ARHGAP21: variants seen among roughly 807,000 people sequenced by gnomAD.
ARHGAP21 encodes the protein Rho GTPase activating protein 21, also known as rho GTPase-activating protein 21.
A neutral mutation model predicts 164.6 loss-of-function variants in ARHGAP21; 38 were observed. The ratio of observed to expected loss-of-function variants is 0.23; its 90% CI spans 0.18 to 0.30. ARHGAP21 has a LOEUF of 0.30. ARHGAP21 is among the 10% of genes least tolerant of loss of function. ARHGAP21 has a pLI of 1.00. For missense variants in ARHGAP21, 1,822 were observed against 2,370.7 expected (o/e 0.77, Z 4.81); for synonymous variants, 766 against 857.9 (o/e 0.89, Z 1.87).
At chr10:24,692,192 G>C in intron 2 of ARHGAP21, among the ~76,000 whole-genome samples, 1 of 152,150 alleles carries the variant, frequency 6.6e-6, no homozygotes, top group Non-Finnish European at 1.5e-5. Context: ...TTTAGTCTGT[G>C]ATATGGGTTT....
At position 24,600,823 on chromosome 10, in the gene ARHGAP21, T is replaced by G; in HGVS notation, c.2955A>C (p.Glu985Asp). 1 of 1,614,178 alleles carries G rather than the reference T, an allele frequency of 6.2e-7. No homozygotes were observed. Among genetic ancestry groups the G allele is most frequent in the Non-Finnish European group, 8.5e-7 (1 of 1,179,988 alleles). Residue 985 changes from glutamate (E) to aspartate (D), a missense_variant, in exon 14 of 26, where the codon GAA becomes GAC. This residue lies in a region of ARHGAP21 where 1,090 missense variants were observed against 1,378.9 expected (regional missense o/e 0.79). Transcript: ENST00000396432. ...DKREQTTPSE[E>D]EQPISVNACL... Reference sequence around the variant, plus strand: ...AAGCATTAACACTGATGGGCTGCTCTTCCTCAGACGGAGTCGTCTGCTCTC... The same window carrying G: ...AAGCATTAACACTGATGGGCTGCTCGTCCTCAGACGGAGTCGTCTGCTCTC...
intron 21 of ARHGAP21, 69 bp from the exon 22 acceptor site, chr10:24,592,081 T>C (rs1216562345): frequency 3.0e-6 from 4 of 1,336,476 alleles, no homozygotes; most frequent in African/African-American, 1.5e-5. Flanking sequence ...ATTGCCATTG[T>C]AGGATTTTTG....
Position 24,691,720 on chromosome 10 carries a change from G to A in ARHGAP21, c.64-21323C>T, listed in dbSNP as rs190646712. On this transcript the variant is annotated intron_variant, in intron 2 of 25. Transcript: ENST00000396432. ...ATTATAAGATGGATTATTTTAATAG[G>A]CAATATTTTTACACAGAATAAATGT... 5.4e-3 allele frequency among the ~76,000 whole-genome samples: 825 copies of A among 152,158 alleles called. 6 individuals are homozygous for A. The Middle Eastern group carries it at 0.061, about 11-fold the overall frequency.
At position 24,689,409 on chromosome 10, in the gene ARHGAP21, C is replaced by A. The variant is rs548998497; in HGVS notation, c.64-19012G>T. On this transcript the variant is annotated intron_variant, in intron 2 of 25. Coordinates refer to ENST00000396432, the MANE Select transcript of ARHGAP21 (RefSeq NM_020824.4). Reference sequence around the variant, plus strand: ...TCTAGAGAAAATTATGTCAATACTTCGAGACATATACATATTCTTCCAGAC... The same window carrying A: ...TCTAGAGAAAATTATGTCAATACTTAGAGACATATACATATTCTTCCAGAC... 1.2e-4 allele frequency among the ~76,000 whole-genome samples: 19 copies of A among 152,188 alleles called. No individual in the cohort carries two copies. In the South Asian group the frequency reaches 3.9e-3, roughly 32 times the overall value.
chr10:24,711,459 C>A lies in ARHGAP21; in HGVS notation c.63+10378G>T, dbSNP rs555794047. Among the ~76,000 whole-genome samples the A allele has an allele frequency of 3.3e-5, 5 of 152,262 alleles. No individual in the cohort carries two copies. The South Asian group carries it at 1.0e-3, about 32-fold the overall frequency. ...CTACTTTTCCCATCTTCAGTCCCCA[C>A]GTCAGAACATCTTCATCTGTAAAAT... On this transcript the variant is annotated intron_variant, in intron 2 of 25. Transcript: ENST00000396432.
intron 4 of ARHGAP21, among the ~76,000 whole-genome samples, chr10:24,661,780 C>T (rs1384608422): frequency 1.3e-5 from 2 of 152,180 alleles, no homozygotes; most frequent in Admixed American, 6.5e-5. Context: ...CTAAATTATA[C>T]ATAGTTTGTT....
At chr10:24,623,217 C>T (rs1225547445) in intron 7 of ARHGAP21, among the ~76,000 whole-genome samples, 1 of 152,172 alleles carries the variant, frequency 6.6e-6, no homozygotes, top group African/African-American at 2.4e-5. Context: ...CAGAGCATAA[C>T]CACAAGCTGT....
At chr10:24,587,654 GGCTCTCAATTGGGAGACCTT>G (rs1480240412) in intron 25 of ARHGAP21, among the ~76,000 whole-genome samples, 2 of 152,162 alleles carry the variant, frequency 1.3e-5, no homozygotes, top group Non-Finnish European at 2.9e-5. Context: ...GTTGTGACTG[GGCTCTCAATTGGGAGACCTT>G]GATGTCCATC....
intron 4 of ARHGAP21, among the ~76,000 whole-genome samples, chr10:24,643,619 G>A (rs557925148): frequency 6.6e-6 from 1 of 152,244 alleles, no homozygotes; most frequent in South Asian, 2.1e-4. Context: ...CAACAAAATT[G>A]ACCAGTACCC....
chr10:24,584,208 C>T lies in ARHGAP21; in HGVS notation c.*204G>A, dbSNP rs570953202. ...CCTTGCTCATTTGTATACAACTATC[C>T]GATATATTTTTAAATATATATATAT... On this transcript the variant is annotated 3_prime_UTR_variant, in exon 26 of 26. Coordinates refer to ENST00000396432, the MANE Select transcript of ARHGAP21 (RefSeq NM_020824.4). 8.5e-5 allele frequency: 19 copies of T among 223,108 alleles called. No individual in the cohort carries two copies. The highest frequency in any genetic ancestry group is 4.3e-4 in the South Asian group (2 of 4,650). The allele number at this position is 223,108 out of a possible 1,614,324, so 13.8% of individuals were successfully genotyped here.
At chr10:24,596,431 C>T (rs1345687564) in intron 17 of ARHGAP21, 2 of 511,444 alleles carry the variant, frequency 3.9e-6, no homozygotes, top group East Asian at 6.7e-5. Context: ...ATGTATTATA[C>T]TTTCTTAATC....
chr10:24,686,705 T>C (rs1220342392), intron 2 of ARHGAP21, among the ~76,000 whole-genome samples: 1 of 152,202 alleles, frequency 6.6e-6, no homozygotes. Context: ...GGATTTTCCA[T>C]AATGAACATG....
At chr10:24,644,557 T>C (rs1160171346) in intron 4 of ARHGAP21, among the ~76,000 whole-genome samples, 2 of 152,206 alleles carry the variant, frequency 1.3e-5, no homozygotes, top group East Asian at 3.9e-4. Flanking sequence ...TCAGTAACTT[T>C]ACCAAACTGC....
chr10:24,603,911 G>A (rs534233714), intron 12 of ARHGAP21, among the ~76,000 whole-genome samples: 6 of 152,160 alleles, frequency 3.9e-5, no homozygotes, highest in African/African-American at 1.2e-4. Context: ...CAGGAGAATC[G>A]CTTGAACCCG....
At chr10:24,714,993 G>C (rs1386016745) in intron 2 of ARHGAP21, among the ~76,000 whole-genome samples, 1 of 149,548 alleles carries the variant, frequency 6.7e-6, no homozygotes, top group Non-Finnish European at 1.5e-5. Flanking sequence ...TCACGCCACT[G>C]CACTCCAGCC....
In ARHGAP21 at chr10:24,600,931, C is replaced by CTAGAAAACATGCGACAGTTCTT; in HGVS notation, c.2848-23_2848-2dup. 1 of 1,608,036 alleles carries CTAGAAAACATGCGACAGTTCTT rather than the reference C, an allele frequency of 6.2e-7. No individual in the cohort carries two copies. The highest frequency in any genetic ancestry group is 8.5e-7 in the Non-Finnish European group (1 of 1,175,394). ...ATGGCCGAATACTTCCACCAACTCG[C>CTAGAAAACATGCGACAGTTCTT]TAGAAAACATGCGACAGTTCTTTAA... On this transcript the variant is annotated splice_acceptor_variant, in intron 13 of 25. Transcript: ENST00000396432. LOFTEE classifies it high-confidence loss of function.
chr10:24,588,532 T>C (rs760126986), intron 25 of ARHGAP21, among the ~76,000 whole-genome samples: 4 of 152,056 alleles, frequency 2.6e-5, no homozygotes, highest in Non-Finnish European at 5.9e-5. Context: ...TTTAATCATA[T>C]GGAGTCCTGT....
At chr10:24,621,444 A>AT (rs1834535450) in intron 8 of ARHGAP21, 75 bp from the exon 9 acceptor site, 10 of 1,315,648 alleles carry the variant, frequency 7.6e-6, no homozygotes, top group Non-Finnish European at 9.3e-6. Flanking sequence ...ACAGTGCACT[A>AT]TTTTATCTAT....
chr10:24,597,829 T>TA (rs2076650748), intron 15 of ARHGAP21, 116 bp downstream of exon 15: 3 of 1,193,528 alleles, frequency 2.5e-6, no homozygotes, highest in Non-Finnish European at 3.6e-6. Context: ...GAGGATTTGG[T>TA]ACTATCTGCG....
Sources: gnomAD v4.1 joint callset for allele counts (sites outside exome capture counted in the v4.1 genomes callset) on GRCh38, gnomAD v4.1.1 for gene constraint, gnomAD v4.1.1 regional missense constraint, MANE v1.5 for transcripts, NCBI Gene and HGNC (gene_info 2026-07-23, HGNC 2026-07-21) for gene names.